TACC2: variants seen among roughly 807,000 people sequenced by gnomAD.
The protein encoded by TACC2 is transforming acidic coiled-coil-containing protein 2.
A neutral mutation model predicts 227.3 loss-of-function variants in TACC2; 137 were observed. That is an observed-to-expected ratio of 0.60 (90% CI 0.52 to 0.69). TACC2 has a LOEUF of 0.69. Ranked by LOEUF, TACC2 falls within the 30% of genes least tolerant of loss-of-function variation. TACC2 has a pLI of 0.00. For synonymous variants in TACC2, 1,523 were observed against 1,487.5 expected (o/e 1.02, Z -0.55); for missense variants, 3,470 against 3,694.4 (o/e 0.94, Z 1.57).
At chr10:122,104,910 G>A (rs960919834) in intron 5 of TACC2, among the ~76,000 whole-genome samples, 1 of 152,162 alleles carries the variant, frequency 6.6e-6, no homozygotes, top group Non-Finnish European at 1.5e-5. Context: ...TCCCTGTCAT[G>A]TGGTAGCCAT....
intron 7 of TACC2, among the ~76,000 whole-genome samples, chr10:122,187,788 A>G (rs1323983998): frequency 6.6e-6 from 1 of 152,104 alleles, no homozygotes; most frequent in East Asian, 1.9e-4. Flanking sequence ...CGCGGTGCCC[A>G]GCCCTTATTT....
In TACC2 at chr10:122,083,582, G is replaced by A; in HGVS notation, c.1082G>A (p.Gly361Asp). The change falls in exon 4 of 23, where the codon GGC becomes GAC. Residue 361 changes from glycine (G) to aspartate (D), a missense_variant. Gly to Asp is a moderately conservative substitution (Grantham distance 94). Around this residue, in one of 10 missense-constraint regions of TACC2, gnomAD observed 1,924 missense variants for 1,978.3 expected, o/e 0.97. Transcript: ENST00000369005. ...PSPALVPEAG[G>D]SGKEALDTID... ...CCTGCCCTGGTGCCAGAGGCTGGGG[G>A]CTCTGGGAAGGAGGCTCTGGACACC... 6.2e-7 allele frequency: 1 copy of A among 1,612,788 alleles called. No homozygotes were observed. The highest frequency in any genetic ancestry group is 8.5e-7 in the Non-Finnish European group (1 of 1,179,980).
intron 16 of TACC2, among the ~76,000 whole-genome samples, chr10:122,234,080 C>A (rs1191115823): frequency 1.3e-5 from 2 of 152,220 alleles, no homozygotes; most frequent in Admixed American, 1.3e-4. Context: ...TCCGTGGCCC[C>A]TCTGGCATGG....
chr10:122,099,953 G>T (rs115576575), intron 5 of TACC2, among the ~76,000 whole-genome samples: 5,915 of 152,260 alleles, frequency 0.039, 210 homozygotes, highest in African/African-American at 0.091. Flanking sequence ...CTCTCCTGGG[G>T]TGACACTTTT....
chr10:122,032,178 A>G (rs1007797546), intron 2 of TACC2, among the ~76,000 whole-genome samples: 1 of 152,204 alleles, frequency 6.6e-6, no homozygotes, highest in East Asian at 1.9e-4. Context: ...AGCCCCTTCA[A>G]TATCACTTGA....
At position 122,086,379 on chromosome 10, in the gene TACC2, C is replaced by G. The variant is rs148992015; in HGVS notation, c.3879C>G (p.Pro1293=). 60 of 1,613,546 alleles carry G rather than the reference C, an allele frequency of 3.7e-5. 1 individual carries two copies. The African/African-American group carries it at 4.4e-4, about 12-fold the overall frequency. ...AGCTGTTTGCTGGCTCCCTCGCCCC[C>G]CTGTTGCAACCAGGAGCTGCAGGTG... ...SLKLFAGSLA[P]LLQPGAAGGE... is the part of the protein sequence containing the mutation. The change falls in exon 4 of 23, where the codon CCC becomes CCG. Residue 1293 remains proline (P), a synonymous_variant. Transcript: ENST00000369005.
Position 122,227,911 on chromosome 10 carries a change from C to T in TACC2, c.7799C>T (p.Ala2600Val). The stretch of plus-strand genomic sequence containing the variant: ...CAGCATCCTGTCCCACGAGGACTGG[C>T]CCCTAACCAAGAGTCACACTTGCAG... Reference protein sequence around the residue: ...KNQHPVPRGLAPNQESHLQVP... With the variant: ...KNQHPVPRGLVPNQESHLQVP... The change falls in exon 14 of 23, where the codon GCC becomes GTC. Residue 2600 changes from alanine (A) to valine (V), a missense_variant. By Grantham distance (64) the Ala-to-Val change is moderately conservative (BLOSUM62 0). Around this residue, in one of 10 missense-constraint regions of TACC2, gnomAD observed 345 missense variants for 354.4 expected, o/e 0.97. Transcript: ENST00000369005. 6.2e-7 allele frequency: 1 copy of T among 1,614,246 alleles called. No individual in the cohort carries two copies. The highest frequency in any genetic ancestry group is 8.5e-7 in the Non-Finnish European group (1 of 1,180,040).
chr10:122,102,734 C>T (rs1227728024), intron 5 of TACC2, among the ~76,000 whole-genome samples: 4 of 152,194 alleles, frequency 2.6e-5, no homozygotes, highest in Non-Finnish European at 4.4e-5. Context: ...ATGGAACACA[C>T]GTCTGTCCGA....
chr10:122,022,341 A>C, intron 2 of TACC2: 1 of 219,490 alleles, frequency 4.6e-6, no homozygotes, highest in Non-Finnish European at 9.0e-6. Context: ...ACCTGGACTA[A>C]AGCGATCCTC....
In TACC2 at chr10:122,084,815, A is replaced by G. The variant is rs751950014; in HGVS notation, c.2315A>G (p.Gln772Arg). 3 of 1,613,648 alleles carry G rather than the reference A, an allele frequency of 1.9e-6. No homozygotes were observed. In the Admixed American group the frequency reaches 5.0e-5, roughly 27 times the overall value. The part of the protein sequence containing the change: ...PRGPACDASR[Q>R]EFHAGVPHPP... The stretch of plus-strand genomic sequence containing the variant: ...GGGCCGGCGTGTGATGCGTCGAGAC[A>G]GGAATTTCATGCTGGGGTGCCACAT... Residue 772 changes from glutamine to arginine, a missense_variant, in exon 4 of 23, where the codon CAG becomes CGG. Gln to Arg is a conservative substitution (Grantham distance 43). Around this residue, in one of 10 missense-constraint regions of TACC2, gnomAD observed 1,924 missense variants for 1,978.3 expected, o/e 0.97. Transcript: ENST00000369005.
intron 5 of TACC2, among the ~76,000 whole-genome samples, chr10:122,093,241 G>A (rs1430153968): frequency 6.6e-6 from 1 of 152,140 alleles, no homozygotes; most frequent in Non-Finnish European, 1.5e-5. Context: ...GGATTGAAAA[G>A]TGGAGGGAGG....
At position 122,249,526 on chromosome 10, in the gene TACC2, A is replaced by T. The variant is rs2096208755; in HGVS notation, c.8661-18A>T. 6.2e-7 allele frequency: 1 copy of T among 1,611,546 alleles called. No individual in the cohort carries two copies. The highest frequency in any genetic ancestry group is 1.1e-5 in the South Asian group (1 of 90,922). On this transcript the variant is annotated intron_variant, in intron 21 of 22. Coordinates refer to ENST00000369005, the MANE Select transcript of TACC2 (RefSeq NM_206862.4). ...GATCCACAAAAGAGTGATAATTCTGAGCTCCCTGTCTCCGCAGGGCCAATG... is the reference window on the plus strand; with the variant it reads ...GATCCACAAAAGAGTGATAATTCTGTGCTCCCTGTCTCCGCAGGGCCAATG...
chr10:122,061,019 A>AAG (rs1491511358), intron 3 of TACC2, among the ~76,000 whole-genome samples: 15 of 16,588 alleles, frequency 9.0e-4, no homozygotes, highest in African/African-American at 1.5e-3. Flanking sequence ...AAAAAAAAAA[A>AAG]GGGGGGGGGG....
intron 19 of TACC2, among the ~76,000 whole-genome samples, chr10:122,243,764 A>G (rs570300276): frequency 9.7e-4 from 148 of 152,276 alleles, no homozygotes; most frequent in African/African-American, 3.0e-3. Flanking sequence ...CAGGCCCTCC[A>G]TAGTTCATCT....
At chr10:122,015,698 A>G (rs903975840) in intron 1 of TACC2, among the ~76,000 whole-genome samples, 1 of 151,086 alleles carries the variant, frequency 6.6e-6, no homozygotes, top group African/African-American at 2.4e-5. Flanking sequence ...CTAAAAATAC[A>G]AAAGTTAGCC....
intron 5 of TACC2, among the ~76,000 whole-genome samples, chr10:122,126,098 C>A (rs985747049): frequency 1.5e-4 from 13 of 84,568 alleles, no homozygotes; most frequent in Non-Finnish European, 4.0e-4. Flanking sequence ...TCTTCACACT[C>A]CCCACCGCCT....
At chr10:122,252,309 C>T (rs2096267927) in intron 22 of TACC2, among the ~76,000 whole-genome samples, 1 of 152,104 alleles carries the variant, frequency 6.6e-6, no homozygotes, top group Admixed American at 6.5e-5. Flanking sequence ...CCTCCATTTC[C>T]TCACTGAAAA....
At position 122,195,091 on chromosome 10, in the gene TACC2, C is replaced by A; in HGVS notation, c.5886C>A (p.Val1962=). The A allele has an allele frequency of 6.2e-7, 1 of 1,613,854 alleles. No homozygotes were observed. The highest frequency in any genetic ancestry group is 8.5e-7 in the Non-Finnish European group (1 of 1,179,864). The change falls in exon 8 of 23, where the codon GTC becomes GTA. Residue 1962 remains valine, a synonymous_variant. Transcript: ENST00000369005. ...AGACCCCGGAGTCAACGACCCCTGT[C>A]AAAGCTCCGCCAGCTCCACCCCCAC... ...AFETPESTTP[V]KAPPAPPPPP... is the part of the protein sequence containing the mutation.
intron 7 of TACC2, among the ~76,000 whole-genome samples, chr10:122,182,963 G>A (rs891543537): frequency 1.3e-5 from 2 of 152,038 alleles, no homozygotes; most frequent in African/African-American, 4.8e-5. Context: ...TGGCTCTTTC[G>A]GAGGCCAAGG....
Sources: gnomAD v4.1 joint callset for allele counts (sites outside exome capture counted in the v4.1 genomes callset) on GRCh38, gnomAD v4.1.1 for gene constraint, gnomAD v4.1.1 regional missense constraint, MANE v1.5 for transcripts, NCBI Gene and HGNC (gene_info 2026-07-23, HGNC 2026-07-21) for gene names.